The following FAT2 variants were observed in gnomAD, a reference collection of about 807,000 sequenced individuals.
The protein encoded by FAT2 is FAT atypical cadherin 2.
A neutral mutation model predicts 295.3 loss-of-function variants in FAT2; 150 were observed. The observed-to-expected ratio is 0.51, with a 90% CI of 0.44 to 0.58. The LOEUF is 0.58. Ranked by LOEUF, FAT2 falls within the 20% of genes least tolerant of loss-of-function variation. FAT2 has a pLI of 0.00. For missense variants in FAT2, 4,868 were observed against 5,442.7 expected, an observed-to-expected ratio of 0.89 and a Z score of 3.32; for synonymous variants, 2,026 against 2,150.3, an observed-to-expected ratio of 0.94 and a Z score of 1.60.
Position 151,544,690 on chromosome 5 carries a change from C to A in FAT2, c.6437G>T (p.Arg2146Leu), listed in dbSNP as rs141929328. 3.8e-5 allele frequency: 62 copies of A among 1,613,980 alleles called. 1 individual carries two copies. In the African/African-American group the frequency reaches 7.1e-4, roughly 18 times the overall value. Residue 2146 changes from arginine to leucine, a missense_variant, in exon 10 of 24, where the codon CGG (arginine) becomes CTG (leucine). Arg to Leu is a moderately radical substitution (Grantham distance 102). Coordinates refer to ENST00000261800, the MANE Select transcript of FAT2 (RefSeq NM_001447.3). ...CTGGAGGGATGGCGTTCCTCCATCCCGAGCAATGACTTTGAGGTGATATTT... is the reference window on the plus strand; with the variant it reads ...CTGGAGGGATGGCGTTCCTCCATCCAGAGCAATGACTTTGAGGTGATATTT... ...LNKYHLKVIA[R>L]DGGTPSLQSE...
At position 151,540,216 on chromosome 5, in the gene FAT2, C is replaced by A. The variant is rs116184917; in HGVS notation, c.9039+351G>T. Among the ~76,000 whole-genome samples the A allele has an allele frequency of 3.3e-3, 508 of 152,260 alleles. 2 individuals carry two copies. The highest frequency in any genetic ancestry group is 0.011 in the African/African-American group (472 of 41,542). Reference sequence around the variant, plus strand: ...ATGAGTCTTGAACAGCTTGGTATATCCCTATGGGGGCCAAGGAATTACCTA... The same window carrying A: ...ATGAGTCTTGAACAGCTTGGTATATACCTATGGGGGCCAAGGAATTACCTA... On this transcript the variant is annotated intron_variant, in intron 11 of 23. Transcript: ENST00000261800.
At chr5:151,542,257 G>A in intron 10 of FAT2, 28 bp downstream of exon 10, 2 of 1,542,090 alleles carry the variant, frequency 1.3e-6, no homozygotes, top group Non-Finnish European at 1.7e-6. Context: ...ACATTCCAGA[G>A]CCTGCAGTCC....
intron 16 of FAT2, 95 bp from the exon 17 acceptor site, chr5:151,527,472 A>T (rs570094717): frequency 4.8e-5 from 63 of 1,308,160 alleles, no homozygotes; most frequent in Non-Finnish European, 5.9e-5. Context: ...AAAAATAAGA[A>T]GGAGACACTT....
At chr5:151,507,119 A>G (rs780255836) in intron 23 of FAT2, 35 bp downstream of exon 23, 3 of 1,514,752 alleles carry the variant, frequency 2.0e-6, no homozygotes, top group Non-Finnish European at 2.7e-6. Flanking sequence ...CACTTCCATC[A>G]ATCCCAGAGG....
intron 12 of FAT2, among the ~76,000 whole-genome samples, chr5:151,537,366 G>T (rs1367539753): frequency 1.5e-5 from 2 of 133,338 alleles, no homozygotes; most frequent in Non-Finnish European, 3.1e-5. Flanking sequence ...AAGGAAGGAA[G>T]GAAAGAAACA....
intron 4 of FAT2, among the ~76,000 whole-genome samples, chr5:151,555,353 C>CTAATAAT (rs1581429597): frequency 6.7e-6 from 1 of 149,870 alleles, no homozygotes; most frequent in Non-Finnish European, 1.5e-5. Flanking sequence ...CTACTTCTTA[C>CTAATAAT]TAATAATATA....
At chr5:151,593,994 T>G (rs1462391096), upstream of FAT2, among the ~76,000 whole-genome samples, 2 of 152,080 alleles carry the variant, frequency 1.3e-5, no homozygotes, top group Non-Finnish European at 2.9e-5. Context: ...AGAGCAAGAC[T>G]CCATCTCAAA....
chr5:151,567,114 T>A lies in FAT2; in HGVS notation c.1818A>T (p.Glu606Asp). ...NLKYEIVSGNELEYFDLNHFS... is the reference protein window; with the variant it reads ...NLKYEIVSGNDLEYFDLNHFS... ...AATGATTTAGATCAAAATACTCTAG[T>A]TCATTGCCTGATACAATCTCGTATT... is the stretch of plus-strand genomic sequence containing the variant. Residue 606 changes from glutamate to aspartate, a missense_variant, in exon 2 of 24, where the codon GAA (glutamate) becomes GAT (aspartate). Physicochemically the swap from Glu to Asp is conservative, Grantham distance 45. Around this residue, in one of 5 missense-constraint regions of FAT2, gnomAD observed 3,297 missense variants for 3,669.4 expected, o/e 0.90. Coordinates refer to ENST00000261800, the MANE Select transcript of FAT2 (RefSeq NM_001447.3). 2 of 1,614,174 alleles carry A rather than the reference T, an allele frequency of 1.2e-6. No individual in the cohort carries two copies. Among genetic ancestry groups the A allele is most frequent in the Non-Finnish European group, 1.7e-6 (2 of 1,180,028 alleles).
intron 3 of FAT2, among the ~76,000 whole-genome samples, chr5:151,559,843 C>A (rs547332794): frequency 6.6e-6 from 1 of 152,144 alleles, no homozygotes; most frequent in South Asian, 2.1e-4. Context: ...ATCAGGGTTC[C>A]CAGGAAGTGC....
intron 3 of FAT2, among the ~76,000 whole-genome samples, chr5:151,558,881 C>T (rs1193642406): frequency 6.6e-6 from 1 of 152,156 alleles, no homozygotes; most frequent in African/African-American, 2.4e-5. Context: ...TGGAGGTTTT[C>T]AGGGGCCCAG....
chr5:151,538,272 G>C (rs1036547082), intron 11 of FAT2, among the ~76,000 whole-genome samples: 4 of 152,202 alleles, frequency 2.6e-5, no homozygotes, highest in East Asian at 3.8e-4. Context: ...GGCTAGAAGG[G>C]ACTGCTACAA....
chr5:151,548,644 C>G (rs1390541727), intron 9 of FAT2, among the ~76,000 whole-genome samples: 1 of 152,088 alleles, frequency 6.6e-6, no homozygotes, highest in Non-Finnish European at 1.5e-5. Flanking sequence ...CCATGCCAGG[C>G]TAATTTTTGT....
intron 3 of FAT2, among the ~76,000 whole-genome samples, chr5:151,560,470 C>G (rs1332584167): frequency 2.0e-5 from 3 of 152,172 alleles, no homozygotes; most frequent in African/African-American, 7.2e-5. Context: ...TCAGATAGCA[C>G]CTGTGTCGTC....
In FAT2 at chr5:151,510,065, G is replaced by C. The variant is rs778563757; in HGVS notation, c.12015C>G (p.Pro4005=). The change falls in exon 22 of 24, where the codon CCC becomes CCG. Residue 4005 remains proline (P), a synonymous_variant. Coordinates refer to ENST00000261800, the MANE Select transcript of FAT2 (RefSeq NM_001447.3). ...GAGGGCAGTTACAGGAAGCTCCTTT[G>C]GGGGAGAGGATGCAAGTTCCACCTT... is the stretch of plus-strand genomic sequence containing the variant. ...CLEGGTCILS[P]KGASCNCPHP... 12 of 1,614,152 alleles carry C rather than the reference G, an allele frequency of 7.4e-6. No homozygotes were observed. In the Admixed American group the frequency reaches 1.8e-4, roughly 25 times the overall value.
intron 8 of FAT2, 141 bp from the exon 9 acceptor site, chr5:151,549,646 C>A: frequency 1.5e-6 from 1 of 660,638 alleles, no homozygotes; most frequent in Admixed American, 2.7e-5. Flanking sequence ...AAATGTTGTT[C>A]TAATCTATAT....
chr5:151,560,534 C>T (rs953108510), intron 3 of FAT2, among the ~76,000 whole-genome samples: 10 of 152,206 alleles, frequency 6.6e-5, no homozygotes, highest in African/African-American at 2.4e-4. Flanking sequence ...CTCCCACCCT[C>T]CAGCTCAGCA....
Position 151,531,505 on chromosome 5 carries a change from A to G in FAT2, c.9811+82T>C, listed in dbSNP as rs1581347004. On this transcript the variant is annotated intron_variant, in intron 14 of 23. Coordinates refer to ENST00000261800, the MANE Select transcript of FAT2 (RefSeq NM_001447.3). The surrounding 1 kb of genome is among the most constrained non-coding windows in gnomAD (Gnocchi z 5.7). ...TGCTCTGGGAGGCGCTGCACAGGGT[A>G]GATACCCACACAGGGGAGGAACCCA... 1 of 1,563,084 alleles carries G rather than the reference A, an allele frequency of 6.4e-7. No individual in the cohort carries two copies. The highest frequency in any genetic ancestry group is 1.2e-5 in the South Asian group (1 of 84,050).
intron 1 of FAT2, among the ~76,000 whole-genome samples, chr5:151,586,460 C>T (rs901823971): frequency 6.6e-6 from 1 of 152,104 alleles, no homozygotes; most frequent in African/African-American, 2.4e-5. Flanking sequence ...CTTATGACAT[C>T]GCCCCTTTCA....
chr5:151,557,031 G>A (rs1370376479), intron 3 of FAT2, among the ~76,000 whole-genome samples: 2 of 152,114 alleles, frequency 1.3e-5, no homozygotes, highest in Admixed American at 1.3e-4. Flanking sequence ...ATTAGGCAGG[G>A]GTGATACATC....
Sources: allele counts gnomAD v4.1 joint callset (sites outside exome capture counted in the v4.1 genomes callset), GRCh38; gene constraint gnomAD v4.1.1; regional missense constraint gnomAD v4.1.1; non-coding constraint Gnocchi (gnomAD v3.1); transcripts MANE v1.5; gene names NCBI Gene and HGNC (gene_info 2026-07-23, HGNC 2026-07-21).